The following PYHIN1 variants were observed in gnomAD, a reference collection of about 807,000 sequenced individuals.
PYHIN1 encodes the protein pyrin and HIN domain family member 1.
A neutral mutation model predicts 43.7 loss-of-function variants in PYHIN1; 32 were observed. The observed-to-expected ratio is 0.73, with a 90% CI of 0.55 to 0.98. The LOEUF is 0.98. Among genes scored for constraint, PYHIN1 ranks in the 50% least tolerant of loss-of-function variants. The pLI is 0.00. For missense variants in PYHIN1, 588 were observed against 589.5 expected (o/e 1.00, Z 0.03); for synonymous variants, 205 against 203.1 (o/e 1.01, Z -0.08).
At chr1:158,953,406 G>A (rs1196985622) in intron 7 of PYHIN1, among the ~76,000 whole-genome samples, 5 of 150,938 alleles carry the variant, frequency 3.3e-5, no homozygotes, top group African/African-American at 7.3e-5. Flanking sequence ...GGAGATCTGA[G>A]AACGGGCAGA....
chr1:158,936,926 A>C lies in PYHIN1; in HGVS notation c.16A>C (p.Lys6Gln). 1.3e-6 allele frequency: 2 copies of C among 1,583,402 alleles called. No individual in the cohort carries two copies. Among genetic ancestry groups the C allele is most frequent in the Non-Finnish European group, 1.7e-6 (2 of 1,167,394 alleles). ...ATCTTTAGAGATGGCAAATAACTACAAGAAAATTGTTCTACTGAAAGGATT... is the reference window on the plus strand; with the variant it reads ...ATCTTTAGAGATGGCAAATAACTACCAGAAAATTGTTCTACTGAAAGGATT... MANNY[K>Q]KIVLLKGLEV... Residue 6 changes from lysine to glutamine, a missense_variant, in exon 2 of 9, where the codon AAG becomes CAG. Transcript: ENST00000368140.
rs1651294059 is a variant in PYHIN1, at chr1:158,976,846, G to GTATATATATA, written c.*160_*161insATATATATAT. ...GATCAAAGCACAGAAAATAATATATGTATATATATCTGGTTGAAATACTAT... is the reference window on the plus strand; with the variant it reads ...GATCAAAGCACAGAAAATAATATATGTATATATATATATATATATCTGGTTGAAATACTAT... On this transcript the variant is annotated 3_prime_UTR_variant, in exon 9 of 9. Coordinates refer to ENST00000368140, the MANE Select transcript of PYHIN1 (RefSeq NM_152501.5). 2 of 341,336 alleles carry GTATATATATA rather than the reference G, an allele frequency of 5.9e-6. No individual in the cohort carries two copies. The highest frequency in any genetic ancestry group is 1.0e-5 in the Non-Finnish European group (2 of 192,144). The allele number at this position is 341,336 out of a possible 1,614,324, so 21.1% of individuals were successfully genotyped here.
At chr1:158,958,456 G>A (rs1650103047) in intron 7 of PYHIN1, among the ~76,000 whole-genome samples, 2 of 148,084 alleles carry the variant, frequency 1.4e-5, no homozygotes, top group South Asian at 2.2e-4. Flanking sequence ...GTCCTTTGTA[G>A]GGACATGGAT....
chr1:158,979,214 A>T (rs1651401760), downstream of PYHIN1, among the ~76,000 whole-genome samples: 1 of 152,168 alleles, frequency 6.6e-6, no homozygotes, highest in African/African-American at 2.4e-5. Context: ...AGTATTAGGA[A>T]CTATAAGCAC....
intron 8 of PYHIN1, among the ~76,000 whole-genome samples, chr1:158,976,080 C>T (rs1321997990): frequency 1.3e-5 from 2 of 152,060 alleles, no homozygotes; most frequent in Non-Finnish European, 2.9e-5. Flanking sequence ...CAAATCAGAA[C>T]ACAAAGGTAG....
chr1:158,987,717 T>G, the PYHIN1 span, among the ~76,000 whole-genome samples: 9 of 152,324 alleles, frequency 5.9e-5, no homozygotes, highest in Non-Finnish European at 1.2e-4. Context: ...TTTCATATGA[T>G]ATGAAATAAT....
chr1:158,970,600 A>C (rs1650878301), intron 7 of PYHIN1, among the ~76,000 whole-genome samples: 1 of 152,038 alleles, frequency 6.6e-6, no homozygotes. Context: ...CAATGAGATT[A>C]GACTACTAGC....
intron 7 of PYHIN1, among the ~76,000 whole-genome samples, chr1:158,954,685 T>A: frequency 2.1e-5 from 3 of 142,570 alleles, no homozygotes; most frequent in African/African-American, 2.6e-5. Context: ...AGGAAGAAAC[T>A]GCATCAACTA....
the PYHIN1 span, among the ~76,000 whole-genome samples, chr1:158,987,333 A>C: frequency 0.041 from 6,277 of 152,274 alleles, 355 homozygotes; most frequent in East Asian, 0.26. Context: ...CATTTTCAAA[A>C]ATACTTATTG....
In PYHIN1 at chr1:158,954,980, A is replaced by C. The variant is rs376493063; in HGVS notation, c.1359+9938A>C. On this transcript the variant is annotated intron_variant, in intron 7 of 8. Transcript: ENST00000368140. ...GTCTCTGATAAAACAGACTTTAAAC[A>C]AACAAAGATCAAAAGAGACAAAGAA... 7.4e-4 allele frequency among the ~76,000 whole-genome samples: 89 copies of C among 120,576 alleles called. No homozygotes were observed. In the Middle Eastern group the frequency reaches 0.013, roughly 18 times the overall value. The allele number at this position is 120,576 out of a possible 152,430, so 79.1% of individuals were successfully genotyped here. A position where few individuals can be genotyped will look rare whatever the true frequency, so the allele number is the denominator to read the frequency against.
At chr1:158,943,266 A>C (rs1289690895) in intron 5 of PYHIN1, among the ~76,000 whole-genome samples, 3 of 152,234 alleles carry the variant, frequency 2.0e-5, no homozygotes, top group African/African-American at 7.2e-5. Flanking sequence ...TTGATGAGCA[A>C]GAAATTGGAA....
chr1:158,960,969 T>A (rs1221653094), intron 7 of PYHIN1, among the ~76,000 whole-genome samples: 1 of 152,146 alleles, frequency 6.6e-6, no homozygotes, highest in Non-Finnish European at 1.5e-5. Context: ...TCTATACCAA[T>A]TTGATCTAGG....
At chr1:158,938,690 C>A (rs1357212008) in intron 3 of PYHIN1, 148 bp downstream of exon 3, 1 of 750,814 alleles carries the variant, frequency 1.3e-6, no homozygotes, top group Admixed American at 3.4e-5. Flanking sequence ...AATTGATCAT[C>A]TTTCTGCAAG....
downstream of PYHIN1, among the ~76,000 whole-genome samples, chr1:158,981,375 G>A (rs1215960736): frequency 6.6e-6 from 1 of 152,142 alleles, no homozygotes; most frequent in Non-Finnish European, 1.5e-5. Flanking sequence ...GGAGCCTGGG[G>A]CAGGAGAATC....
At chr1:158,990,223 G>T in the PYHIN1 span, among the ~76,000 whole-genome samples, 3 of 150,142 alleles carry the variant, frequency 2.0e-5, no homozygotes, top group Admixed American at 6.6e-5. Context: ...AAGAAACAAG[G>T]TGATCACCTT....
downstream of PYHIN1, among the ~76,000 whole-genome samples, chr1:158,981,788 AC>A (rs1651493175): frequency 6.6e-6 from 1 of 152,096 alleles, no homozygotes; most frequent in Non-Finnish European, 1.5e-5. Flanking sequence ...CCTTTTCTCT[AC>A]AACCTCACCA....
At chr1:158,981,775 T>A (rs539482351), downstream of PYHIN1, among the ~76,000 whole-genome samples, 2 of 152,200 alleles carry the variant, frequency 1.3e-5, no homozygotes, top group South Asian at 2.1e-4. Flanking sequence ...TGTATAAATG[T>A]TCCCTTTTCT....
chr1:158,934,786 G>A (rs1648415850), intron 1 of PYHIN1, among the ~76,000 whole-genome samples: 1 of 152,272 alleles, frequency 6.6e-6, no homozygotes, highest in African/African-American at 2.4e-5. Context: ...GCAGTGGCAT[G>A]ATATCTGCTC....
chr1:158,960,766 G>A (rs1302571595), intron 7 of PYHIN1, among the ~76,000 whole-genome samples: 1 of 152,150 alleles, frequency 6.6e-6, no homozygotes, highest in African/African-American at 2.4e-5. Context: ...GGGATGGTAA[G>A]GAAAAGAATT....
Sources: gnomAD v4.1 joint callset for allele counts (sites outside exome capture counted in the v4.1 genomes callset) on GRCh38, gnomAD v4.1.1 for gene constraint, MANE v1.5 for transcripts, NCBI Gene and HGNC (gene_info 2026-07-23, HGNC 2026-07-21) for gene names.